The following EXTL3 variants were observed in gnomAD, a reference collection of about 807,000 sequenced individuals.
EXTL3 encodes exostosin-like 3.
In EXTL3, 27 loss-of-function variants were observed where a neutral mutation model predicts 69.3. The observed-to-expected ratio is 0.39, with a 90% confidence interval of 0.29 to 0.54. The LOEUF is 0.54. Ranked by LOEUF, EXTL3 falls within the 20% of genes least tolerant of loss-of-function variation. EXTL3 has a pLI of 0.69. For missense variants in EXTL3, 1,003 were observed against 1,231.8 expected, an observed-to-expected ratio of 0.81 and a Z score of 2.78; for synonymous variants, 511 against 499.4, an observed-to-expected ratio of 1.02 and a Z score of -0.31.
chr8:28,619,732 C>T (rs1421788787), upstream of EXTL3, among the ~76,000 whole-genome samples: 2 of 151,616 alleles, frequency 1.3e-5, no homozygotes, highest in Non-Finnish European at 2.9e-5. Context: ...TTGAAATCAG[C>T]GAGGGTGGCA....
intron 1 of EXTL3, among the ~76,000 whole-genome samples, chr8:28,633,929 C>CT (rs1214294813): frequency 1.3e-5 from 2 of 152,202 alleles, no homozygotes; most frequent in Non-Finnish European, 2.9e-5. Context: ...CAGCCGACCT[C>CT]TGTGTTAGCA....
At chr8:28,674,021 A>G (rs1807340632) in intron 1 of EXTL3, among the ~76,000 whole-genome samples, 1 of 152,192 alleles carries the variant, frequency 6.6e-6, no homozygotes, top group Admixed American at 6.5e-5. Flanking sequence ...GGATACTCCT[A>G]ATCAACCAAC....
At chr8:28,682,253 T>C (rs1187369427) in intron 1 of EXTL3, among the ~76,000 whole-genome samples, 1 of 152,214 alleles carries the variant, frequency 6.6e-6, no homozygotes, top group Non-Finnish European at 1.5e-5. Context: ...GCATATTTTT[T>C]GAGAAATATC....
chr8:28,725,200 G>A (rs370214003), intron 3 of EXTL3, among the ~76,000 whole-genome samples: 206 of 152,308 alleles, frequency 1.4e-3, no homozygotes, highest in African/African-American at 4.6e-3. Context: ...GGCATTTCAA[G>A]TGTATTTAAA....
chr8:28,737,665 T>C lies in EXTL3; in HGVS notation c.2421+2T>C. The C allele has an allele frequency of 6.2e-7, 1 of 1,614,148 alleles. No individual in the cohort carries two copies. The highest frequency in any genetic ancestry group is 1.1e-5 in the South Asian group (1 of 91,080). ...ACAGGTGCTGCCTTCTTTCACAAGGTAAGAAAAAGCTGGTAATAATGGCAT... is the reference window on the plus strand; with the variant it reads ...ACAGGTGCTGCCTTCTTTCACAAGGCAAGAAAAAGCTGGTAATAATGGCAT... On this transcript the variant is annotated splice_donor_variant, in intron 5 of 6. Transcript: ENST00000220562. LOFTEE classifies it high-confidence loss of function.
At position 28,732,614 on chromosome 8, in the gene EXTL3, A is replaced by G. The variant is rs897633485; in HGVS notation, c.2276+1264A>G. On this transcript the variant is annotated intron_variant, in intron 4 of 6. Transcript: ENST00000220562. ...TCTTTGCATCTCTATAGATTTGCCTATTCTGGACATCTTCTATAAATAGAA... is the reference window on the plus strand; with the variant it reads ...TCTTTGCATCTCTATAGATTTGCCTGTTCTGGACATCTTCTATAAATAGAA... Among the ~76,000 whole-genome samples the G allele has an allele frequency of 2.6e-5, 4 of 152,316 alleles. No individual in the cohort carries two copies. In the South Asian group the frequency reaches 6.2e-4, roughly 24 times the overall value.
At chr8:28,627,695 C>T (rs529610132) in intron 1 of EXTL3, among the ~76,000 whole-genome samples, 1 of 152,118 alleles carries the variant, frequency 6.6e-6, no homozygotes, top group Non-Finnish European at 1.5e-5. Flanking sequence ...CCTCAGTGTT[C>T]ATGGACAGAT....
chr8:28,637,279 C>G (rs1806671302), intron 1 of EXTL3: 1 of 152,212 alleles, frequency 6.6e-6, no homozygotes, highest in Non-Finnish European at 1.5e-5. Flanking sequence ...CCAGCTTTCT[C>G]TCTCTCCTGT....
chr8:28,613,546 T>G (rs923259840), intron 2 of EXTL3, among the ~76,000 whole-genome samples: 13 of 152,336 alleles, frequency 8.5e-5, no homozygotes, highest in South Asian at 8.3e-4. Flanking sequence ...TGGAAGAGAT[T>G]GTATAGAATT....
At chr8:28,663,814 C>G (rs1807152748) in intron 1 of EXTL3, among the ~76,000 whole-genome samples, 1 of 152,134 alleles carries the variant, frequency 6.6e-6, no homozygotes, top group Admixed American at 6.5e-5. Context: ...GTTCTCAAAC[C>G]TCCCCTCAGC....
rs1336629388 is a variant in EXTL3 at position 28,670,964 on chromosome 8, G to C, written c.-52-42493G>C. Among the ~76,000 whole-genome samples the C allele has an allele frequency of 2.9e-5, 3 of 103,234 alleles. No individual in the cohort carries two copies. In the Admixed American group the frequency reaches 3.1e-4, roughly 11 times the overall value. 67.7% of individuals were successfully genotyped at this position (103,234 alleles called of 152,430 possible). The stretch of plus-strand genomic sequence containing the variant: ...TACTCCCTTTCCTGATAGCACCATA[G>C]CTTCTGTTTTTTTTTTTTAATTAAT... On this transcript the variant is annotated intron_variant, in intron 1 of 6. Transcript: ENST00000523149.
chr8:28,660,088 TAC>T (rs1321724782), intron 1 of EXTL3, among the ~76,000 whole-genome samples: 1 of 152,180 alleles, frequency 6.6e-6, no homozygotes, highest in Non-Finnish European at 1.5e-5. Context: ...TTGGGCCGGG[TAC>T]AGCGGCTCAT....
In EXTL3 at chr8:28,668,865, C is replaced by CTCTTATTTTTTTTT. The variant is rs1193812924; in HGVS notation, c.-52-44591_-52-44590insCTTATTTTTTTTTT. Reference sequence around the variant, plus strand: ...ACCCCTGCCTCCTTTGATAGAATCTCTTTTTTTTTTTTTTTTGAGACAGAG... The same window carrying CTCTTATTTTTTTTT: ...ACCCCTGCCTCCTTTGATAGAATCTCTCTTATTTTTTTTTTTTTTTTTTTTTTTTTGAGACAGAG... On this transcript the variant is annotated intron_variant, in intron 1 of 6. Transcript: ENST00000523149. 1.7e-3 allele frequency among the ~76,000 whole-genome samples: 165 copies of CTCTTATTTTTTTTT among 94,456 alleles called. 3 individuals are homozygous for CTCTTATTTTTTTTT. The highest frequency in any genetic ancestry group is 6.8e-3 in the African/African-American group (149 of 21,844). 62.0% of individuals were successfully genotyped at this position (94,456 alleles called of 152,430 possible). A position where few individuals can be genotyped will look rare whatever the true frequency, so the allele number is the denominator to read the frequency against.
At chr8:28,724,799 CAATAAT>C (rs796548792) in intron 3 of EXTL3, among the ~76,000 whole-genome samples, 2 of 151,962 alleles carry the variant, frequency 1.3e-5, no homozygotes, top group South Asian at 4.1e-4. Context: ...GACTCCATCT[CAATAAT>C]AATAATGATG....
intron 1 of EXTL3, among the ~76,000 whole-genome samples, chr8:28,707,229 T>C (rs760718720): frequency 9.9e-5 from 15 of 152,144 alleles, no homozygotes; most frequent in Non-Finnish European, 2.2e-4. Flanking sequence ...AAACAAATGG[T>C]AGATAAGCAA....
chr8:28,680,120 G>T (rs1362165509), intron 1 of EXTL3, among the ~76,000 whole-genome samples: 1 of 151,374 alleles, frequency 6.6e-6, no homozygotes, highest in Non-Finnish European at 1.5e-5. Context: ...AGCCGGGCTC[G>T]GTGGCTTATG....
chr8:28,706,612 A>G (rs904132092), intron 1 of EXTL3, among the ~76,000 whole-genome samples: 1 of 152,320 alleles, frequency 6.6e-6, no homozygotes, highest in South Asian at 2.1e-4. Context: ...AGCACCAGAT[A>G]TTATAATTTT....
rs376341528 is a variant in EXTL3, at chr8:28,640,936, AT to A, written c.-53+18136del. Among the ~76,000 whole-genome samples, 177 of 150,778 alleles carry A rather than the reference AT, an allele frequency of 1.2e-3. 3 individuals are homozygous for A. In the South Asian group the frequency reaches 0.012, roughly 11 times the overall value. On this transcript the variant is annotated intron_variant, in intron 1 of 6. Coordinates refer to the EXTL3 transcript ENST00000523149. ...ACTTTTAACAGACTAGTGTAGTATGATTTTTTTTTTCTATTAATACAAAGGA... is the reference window on the plus strand; with the variant it reads ...ACTTTTAACAGACTAGTGTAGTATGATTTTTTTTTCTATTAATACAAAGGA...
chr8:28,671,808 T>C (rs1382164047), intron 1 of EXTL3, among the ~76,000 whole-genome samples: 1 of 152,150 alleles, frequency 6.6e-6, no homozygotes, highest in African/African-American at 2.4e-5. Flanking sequence ...AAAATAACAT[T>C]GTGGGCATGA....
Sources: allele counts gnomAD v4.1 joint callset (sites outside exome capture counted in the v4.1 genomes callset), GRCh38; gene constraint gnomAD v4.1.1; transcripts MANE v1.5; gene names NCBI Gene and HGNC (gene_info 2026-07-23, HGNC 2026-07-21).